The following ZNF704 variants were observed in gnomAD, a reference collection of about 807,000 sequenced individuals.
ZNF704 encodes glucocorticoid induced gene 1.
Under a neutral mutation model 44.7 loss-of-function variants are expected in ZNF704, and 10 were observed. That is an observed-to-expected ratio of 0.22 (90% CI 0.14 to 0.38). The LOEUF is 0.38. Among genes scored for constraint, ZNF704 ranks in the 10% least tolerant of loss-of-function variants. The probability of loss-of-function intolerance (pLI) is 1.00; values close to 1 mark genes in which losing one functional copy is unlikely to be tolerated. For missense variants in ZNF704, 390 were observed against 545.5 expected (o/e 0.71, Z 2.84); for synonymous variants, 211 against 207.6 (o/e 1.02, Z -0.14).
At position 80,628,789 on chromosome 8, in the gene ZNF704, C is replaced by A. The variant is rs370912613; in HGVS notation, c.*12577G>T. ...TTCTACTTAAATGCTTCCAGAGGAC[C>A]AGTGTAGCAAATCCTTAACTCTGGG... On this transcript the variant is annotated 3_prime_UTR_variant, in exon 9 of 9. Transcript: ENST00000327835. 15 of 152,302 alleles carry A rather than the reference C, an allele frequency of 9.8e-5. No individual in the cohort carries two copies. The highest frequency in any genetic ancestry group is 3.6e-4 in the African/African-American group (15 of 41,550). The allele number at this position is 152,302 out of a possible 1,614,324, so 9.4% of individuals were successfully genotyped here.
At chr8:80,858,346 A>G (rs1301009098) in intron 1 of ZNF704, among the ~76,000 whole-genome samples, 2 of 152,248 alleles carry the variant, frequency 1.3e-5, no homozygotes, top group East Asian at 3.8e-4. Flanking sequence ...GTAAACTTCC[A>G]TAAACTTTGA....
chr8:80,863,468 A>C (rs1367433314), intron 1 of ZNF704, among the ~76,000 whole-genome samples: 1 of 152,208 alleles, frequency 6.6e-6, no homozygotes, highest in East Asian at 1.9e-4. Flanking sequence ...CCGGTCTCCA[A>C]ATGTTTTCTG....
chr8:80,781,847 G>A (rs1258449109), intron 2 of ZNF704, among the ~76,000 whole-genome samples: 1 of 152,194 alleles, frequency 6.6e-6, no homozygotes, highest in Non-Finnish European at 1.5e-5. Flanking sequence ...ATTGGGACTA[G>A]ATGAGAAAGC....
chr8:80,819,550 G>GAA (rs61039141), intron 2 of ZNF704, among the ~76,000 whole-genome samples: 27 of 121,918 alleles, frequency 2.2e-4, no homozygotes, highest in Admixed American at 5.8e-4. Flanking sequence ...ACAGACTTAG[G>GAA]AAAAAAAAAA....
At chr8:80,652,234 A>G (rs1406646086) in intron 7 of ZNF704, among the ~76,000 whole-genome samples, 3 of 152,012 alleles carry the variant, frequency 2.0e-5, no homozygotes, top group Non-Finnish European at 4.4e-5. Context: ...TAAAATTGAC[A>G]CCCTAACATC....
rs186855566 is a variant in ZNF704 at position 80,731,542 on chromosome 8, C to T, written c.222-38435G>A. Among the ~76,000 whole-genome samples, 126 of 152,306 alleles carry T rather than the reference C, an allele frequency of 8.3e-4. 1 individual carries two copies. The highest frequency in any genetic ancestry group is 1.4e-3 in the Non-Finnish European group (92 of 68,024). On this transcript the variant is annotated intron_variant, in intron 2 of 8. Coordinates refer to ENST00000327835, the MANE Select transcript of ZNF704 (RefSeq NM_001033723.3). Reference sequence around the variant, plus strand: ...TCATCTTTATGAATTTCAACTATCACTACTTTCTATATGTATGAAAGATAT... The same window carrying T: ...TCATCTTTATGAATTTCAACTATCATTACTTTCTATATGTATGAAAGATAT...
chr8:80,835,131 C>T (rs1195216402), intron 1 of ZNF704, among the ~76,000 whole-genome samples: 2 of 152,128 alleles, frequency 1.3e-5, no homozygotes, highest in African/African-American at 4.8e-5. Flanking sequence ...GCTAAAGTTT[C>T]AAGCCTTTTA....
chr8:80,836,823 T>C (rs557810996), intron 1 of ZNF704, among the ~76,000 whole-genome samples: 113 of 152,294 alleles, frequency 7.4e-4, no homozygotes, highest in Non-Finnish European at 1.3e-3. Context: ...GAATTATCTT[T>C]CTACAGCACT....
intron 1 of ZNF704, among the ~76,000 whole-genome samples, chr8:80,862,834 A>C (rs1314145277): frequency 6.6e-6 from 1 of 151,816 alleles, no homozygotes; most frequent in Non-Finnish European, 1.5e-5. Flanking sequence ...GCAGATGGCT[A>C]AAAGCACACT....
intron 2 of ZNF704, among the ~76,000 whole-genome samples, chr8:80,718,670 C>G (rs1443086063): frequency 6.6e-6 from 1 of 152,178 alleles, no homozygotes; most frequent in East Asian, 1.9e-4. Context: ...CAGTTTGAAG[C>G]CCAGACCTGC....
chr8:80,771,586 G>A (rs1469401066), intron 2 of ZNF704, among the ~76,000 whole-genome samples: 5 of 151,928 alleles, frequency 3.3e-5, no homozygotes, highest in Non-Finnish European at 7.4e-5. Flanking sequence ...TTAGTTCTAG[G>A]AGTCTTTTTA....
chr8:80,878,253 AAAGGAAGGAAGGAAGGAAGGAAGG>A (rs746307538), upstream of ZNF704, among the ~76,000 whole-genome samples: 257 of 140,158 alleles, frequency 1.8e-3, 2 homozygotes, highest in South Asian at 9.7e-3. Context: ...AAAGAGAAAG[AAAGGAAGGAAGGAAGGAAGGAAGG>A]AAGGAAGGAA....
chr8:80,699,212 T>C (rs1818771912), intron 2 of ZNF704, among the ~76,000 whole-genome samples: 1 of 152,318 alleles, frequency 6.6e-6, no homozygotes, highest in South Asian at 2.1e-4. Flanking sequence ...CTTGGAATTC[T>C]GAGAAAGCTT....
chr8:80,681,091 T>C (rs1049999559), intron 4 of ZNF704, among the ~76,000 whole-genome samples: 2 of 152,220 alleles, frequency 1.3e-5, no homozygotes, highest in African/African-American at 4.8e-5. Flanking sequence ...TGTATGGTTA[T>C]AATGCAATTT....
intron 4 of ZNF704, among the ~76,000 whole-genome samples, chr8:80,675,976 G>A (rs1818359514): frequency 6.6e-6 from 1 of 152,206 alleles, no homozygotes; most frequent in Admixed American, 6.5e-5. Flanking sequence ...TGGAGATTGA[G>A]AAGGAGCAGT....
chr8:80,787,361 G>A (rs1214725517), intron 2 of ZNF704, among the ~76,000 whole-genome samples: 1 of 152,122 alleles, frequency 6.6e-6, no homozygotes, highest in Non-Finnish European at 1.5e-5. Flanking sequence ...GTCTAATCAT[G>A]TCACCGACAT....
intron 2 of ZNF704, among the ~76,000 whole-genome samples, chr8:80,739,541 T>C (rs182235680): frequency 6.6e-6 from 1 of 152,164 alleles, no homozygotes; most frequent in Non-Finnish European, 1.5e-5. Flanking sequence ...CCTGACCAAC[T>C]ATATTGAAAA....
intron 1 of ZNF704, among the ~76,000 whole-genome samples, chr8:80,829,941 C>T (rs532212597): frequency 2.6e-5 from 4 of 152,228 alleles, no homozygotes; most frequent in Non-Finnish European, 5.9e-5. Context: ...TGGGTTCCAC[C>T]ATTTGTAATG....
chr8:80,827,568 C>A (rs1418604519), intron 1 of ZNF704, among the ~76,000 whole-genome samples: 1 of 152,186 alleles, frequency 6.6e-6, no homozygotes, highest in Non-Finnish European at 1.5e-5. Context: ...TGGAAAAAAA[C>A]TACTTTAAAG....
Sources: gnomAD v4.1 joint callset for allele counts (sites outside exome capture counted in the v4.1 genomes callset) on GRCh38, gnomAD v4.1.1 for gene constraint, MANE v1.5 for transcripts, NCBI Gene and HGNC (gene_info 2026-07-23, HGNC 2026-07-21) for gene names.